The following ATP8A2 variants were observed in gnomAD, a reference collection of about 807,000 sequenced individuals.
ATP8A2 encodes phospholipid-transporting ATPase IB.
Under a neutral mutation model 165.6 loss-of-function variants are expected in ATP8A2, and 100 were observed. That is an observed-to-expected ratio of 0.60 (90% CI 0.51 to 0.71). The LOEUF (loss-of-function observed/expected upper bound fraction) is 0.71. Ranked by LOEUF, ATP8A2 falls within the 30% of genes least tolerant of loss-of-function variation. The probability of loss-of-function intolerance (pLI) is 0.00; values close to 1 mark genes in which losing one functional copy is unlikely to be tolerated. For synonymous variants in ATP8A2, 543 were observed against 548.8 expected (o/e 0.99, Z 0.15); for missense variants, 1,227 against 1,479.5 (o/e 0.83, Z 2.80).
intron 33 of ATP8A2, among the ~76,000 whole-genome samples, chr13:25,947,751 C>A (rs985024269): frequency 2.0e-5 from 3 of 152,148 alleles, no homozygotes; most frequent in African/African-American, 7.2e-5. Flanking sequence ...CAAGCAGACA[C>A]CGTGGTCAGC....
chr13:25,382,148 T>C (rs934102870), intron 1 of ATP8A2, among the ~76,000 whole-genome samples: 5 of 152,240 alleles, frequency 3.3e-5, no homozygotes, highest in Non-Finnish European at 5.9e-5. Context: ...AGTTACAGTT[T>C]TGCTCTTTAC....
chr13:25,384,779 A>G (rs2032979387), intron 1 of ATP8A2, among the ~76,000 whole-genome samples: 1 of 152,014 alleles, frequency 6.6e-6, no homozygotes, highest in Non-Finnish European at 1.5e-5. Flanking sequence ...TTGTTATTTA[A>G]GTTCTGTTTG....
rs374871002 is a variant in ATP8A2 at position 25,372,224 on chromosome 13, C to A, written c.12C>A (p.Gly4=). The change falls in exon 1 of 37, where the codon GGC becomes GGA. Residue 4 remains glycine, a synonymous_variant. Transcript: ENST00000381655. This position sits in a 1 kb window ranked among gnomAD's most constrained non-coding sequence, Gnocchi z 4.8. ...CCGACACGGGCGAGATGCTGAACGG[C>A]GCAGGCCTGGACAAAGCTCTTAAGA... MLN[G]AGLDKALKMS... 1 of 1,471,918 alleles carries A rather than the reference C, an allele frequency of 6.8e-7. No individual in the cohort carries two copies. The highest frequency in any genetic ancestry group is 2.4e-5 in the Admixed American group (1 of 41,210). The allele number at this position is 1,471,918 out of a possible 1,614,324, so 91.2% of individuals were successfully genotyped here. A position where few individuals can be genotyped will look rare whatever the true frequency, so the allele number is the denominator to read the frequency against.
chr13:25,401,248 C>T (rs1055408633), intron 1 of ATP8A2, among the ~76,000 whole-genome samples: 1 of 151,940 alleles, frequency 6.6e-6, no homozygotes. Flanking sequence ...GATGCAAAAG[C>T]CCTTTAAAAT....
intron 12 of ATP8A2, among the ~76,000 whole-genome samples, chr13:25,554,533 G>GTA (rs1265800472): frequency 2.2e-5 from 3 of 139,158 alleles, no homozygotes; most frequent in South Asian, 2.3e-4. Flanking sequence ...GTGTGTATGT[G>GTA]TGTGTGTGTG....
At chr13:25,593,542 GA>G (rs1236433394) in intron 24 of ATP8A2, among the ~76,000 whole-genome samples, 1 of 152,020 alleles carries the variant, frequency 6.6e-6, no homozygotes, top group African/African-American at 2.4e-5. Context: ...TAAAATGCTG[GA>G]AAAAAAGTTG....
rs1410136425 is a variant in ATP8A2, at chr13:25,538,045, G to T, written c.565G>T (p.Val189Phe). 5.6e-6 allele frequency: 9 copies of T among 1,613,554 alleles called. No homozygotes were observed. In the Admixed American group the frequency reaches 1.5e-4, roughly 27 times the overall value. ...VNGQYLPADVVLLSSSEPQAM... is the reference protein window; with the variant it reads ...VNGQYLPADVFLLSSSEPQAM... ...TGGGCAGTATCTTCCAGCAGATGTG[G>T]TCCTGCTGTCATCCAGGTTAGCTGT... Residue 189 changes from valine to phenylalanine, a missense_variant, in exon 7 of 37, where the codon GTC becomes TTC. By Grantham distance (50) the Val-to-Phe change is conservative (BLOSUM62 -1). This residue lies in a region of ATP8A2 where 356 missense variants were observed against 394.9 expected (regional missense o/e 0.90). Transcript: ENST00000381655.
At chr13:25,545,031 G>A (rs1002390264) in intron 10 of ATP8A2, among the ~76,000 whole-genome samples, 3 of 151,748 alleles carry the variant, frequency 2.0e-5, no homozygotes, top group African/African-American at 7.3e-5. Flanking sequence ...ATGTCTACTG[G>A]CGCACCGTCT....
At chr13:25,880,955 C>A (rs1424427602) in intron 33 of ATP8A2, 3 of 456,424 alleles carry the variant, frequency 6.6e-6, no homozygotes, top group Non-Finnish European at 1.3e-5. Context: ...GCATGAAAGC[C>A]TTTCTCTGTT....
chr13:25,520,649 G>A (rs563066066), intron 2 of ATP8A2, among the ~76,000 whole-genome samples: 1 of 142,002 alleles, frequency 7.0e-6, no homozygotes, highest in South Asian at 2.2e-4. Flanking sequence ...CTCCCAGGCT[G>A]GAGTGCAGTG....
At chr13:25,861,355 A>G (rs889423496) in intron 32 of ATP8A2, among the ~76,000 whole-genome samples, 10 of 152,244 alleles carry the variant, frequency 6.6e-5, no homozygotes, top group African/African-American at 2.4e-4. Context: ...TGTGACTTAA[A>G]ATACAAGTCA....
chr13:25,406,827 A>G, intron 1 of ATP8A2, among the ~76,000 whole-genome samples: 1 of 152,228 alleles, frequency 6.6e-6, no homozygotes. Flanking sequence ...ATATTTCACA[A>G]ACCGTTGTAT....
chr13:25,710,870 G>A (rs897731654), intron 25 of ATP8A2, among the ~76,000 whole-genome samples: 1 of 127,664 alleles, frequency 7.8e-6, no homozygotes, highest in Non-Finnish European at 1.8e-5. Flanking sequence ...CTATCGTGAT[G>A]TCCAGACCCT....
chr13:25,893,047 CT>C (rs891551257), intron 33 of ATP8A2, among the ~76,000 whole-genome samples: 4 of 151,218 alleles, frequency 2.6e-5, no homozygotes, highest in Non-Finnish European at 5.9e-5. Flanking sequence ...AGAAAATTTT[CT>C]TTTTTTTATT....
chr13:25,591,269 C>A (rs1485181552), intron 24 of ATP8A2: 1 of 456,590 alleles, frequency 2.2e-6, no homozygotes, highest in Non-Finnish European at 4.4e-6. Flanking sequence ...TTTTCATCTT[C>A]CCAAACCAAA....
intron 1 of ATP8A2, among the ~76,000 whole-genome samples, chr13:25,393,076 G>A (rs9511780): frequency 0.28 from 41,767 of 150,740 alleles, 6,412 homozygotes; most frequent in African/African-American, 0.41. Flanking sequence ...CACTTTATCT[G>A]TACCACTTTT....
chr13:25,769,051 C>T lies in ATP8A2; in HGVS notation c.2390C>T (p.Ser797Phe), dbSNP rs757796331. 1 of 1,614,046 alleles carries T rather than the reference C, an allele frequency of 6.2e-7. No homozygotes were observed. The highest frequency in any genetic ancestry group is 8.5e-7 in the Non-Finnish European group (1 of 1,179,920). The change falls in exon 26 of 37, where the codon TCT becomes TTT. Residue 797 changes from serine (S) to phenylalanine (F), a missense_variant. Transcript: ENST00000381655. ...SCKAVICCRV[S>F]PLQKSEIVDV... is the part of the protein sequence containing the mutation. Reference sequence around the variant, plus strand: ...TTCCCTCTCTTTTCTCACAGAGTGTCTCCTCTGCAGAAGTCTGAGATAGTG... The same window carrying T: ...TTCCCTCTCTTTTCTCACAGAGTGTTTCCTCTGCAGAAGTCTGAGATAGTG...
At chr13:25,813,971 C>T (rs936204743) in intron 27 of ATP8A2, among the ~76,000 whole-genome samples, 2 of 152,158 alleles carry the variant, frequency 1.3e-5, no homozygotes, top group African/African-American at 4.8e-5. Context: ...CAGACTGGAA[C>T]TGAAACATCA....
intron 27 of ATP8A2, among the ~76,000 whole-genome samples, chr13:25,783,884 G>C (rs2044952106): frequency 6.6e-6 from 1 of 152,152 alleles, no homozygotes; most frequent in South Asian, 2.1e-4. Context: ...ACGTGCCTAG[G>C]AATGTTCTCT....
Sources: gnomAD v4.1 joint callset for allele counts (sites outside exome capture counted in the v4.1 genomes callset) on GRCh38, gnomAD v4.1.1 for gene constraint, gnomAD v4.1.1 regional missense constraint, Gnocchi (gnomAD v3.1) non-coding constraint, MANE v1.5 for transcripts, NCBI Gene and HGNC (gene_info 2026-07-23, HGNC 2026-07-21) for gene names.